Variants in RBFOX1 observed in about 807,000 individuals in gnomAD.
RBFOX1 encodes the protein RNA binding fox-1 homolog 1, also known as RNA binding protein fox-1 homolog 1.
RBFOX1 carries 8 observed loss-of-function variants against 57.7 expected under a neutral mutation model. The ratio of observed to expected loss-of-function variants is 0.14; its 90% CI spans 0.08 to 0.25. RBFOX1 has a LOEUF of 0.25. RBFOX1 is among the 10% of genes least tolerant of loss of function. The probability of loss-of-function intolerance (pLI) is 1.00; values close to 1 mark genes in which losing one functional copy is unlikely to be tolerated. For missense variants in RBFOX1, 611 were observed against 548.5 expected (o/e 1.11, Z -1.14); for synonymous variants, 326 against 222.4 (o/e 1.47, Z -4.15).
intron 2 of RBFOX1, among the ~76,000 whole-genome samples, chr16:6,514,217 C>A (rs1385988455): frequency 6.6e-6 from 1 of 152,126 alleles, no homozygotes; most frequent in Non-Finnish European, 1.5e-5. Context: ...ATGCTCTCTG[C>A]TTAAAAGGAT....
At chr16:6,998,865 G>GTAT (rs953704414) in intron 3 of RBFOX1, among the ~76,000 whole-genome samples, 10 of 151,126 alleles carry the variant, frequency 6.6e-5, no homozygotes, top group Admixed American at 2.0e-4. Context: ...AATTAATTAA[G>GTAT]TATTATTATT....
chr16:7,429,406 C>T (rs898385016), intron 4 of RBFOX1, among the ~76,000 whole-genome samples: 3 of 152,224 alleles, frequency 2.0e-5, no homozygotes, highest in Admixed American at 6.5e-5. Context: ...CCTTCCCTGG[C>T]TAGCCCATCA....
At chr16:7,237,504 C>A (rs560577571) in intron 4 of RBFOX1, among the ~76,000 whole-genome samples, 1 of 152,160 alleles carries the variant, frequency 6.6e-6, no homozygotes, top group African/African-American at 2.4e-5. Flanking sequence ...ATCTCATTAG[C>A]CTGAAGCACA....
chr16:7,401,934 C>T (rs2098250916), intron 4 of RBFOX1, among the ~76,000 whole-genome samples: 1 of 152,112 alleles, frequency 6.6e-6, no homozygotes. Flanking sequence ...GAGGTTAAAT[C>T]TCCAAAAGAG....
At chr16:7,209,553 A>G (rs1472093106) in intron 4 of RBFOX1, among the ~76,000 whole-genome samples, 2 of 152,172 alleles carry the variant, frequency 1.3e-5, no homozygotes, top group Admixed American at 6.5e-5. Flanking sequence ...CAGTGCAAAC[A>G]TTACCTCCTC....
chr16:5,868,168 A>G (rs1329550029), intron 4 of RBFOX1, among the ~76,000 whole-genome samples: 1 of 152,208 alleles, frequency 6.6e-6, no homozygotes, highest in Non-Finnish European at 1.5e-5. Context: ...GGGCTCCTGC[A>G]AAATATGCCC....
chr16:6,008,962 C>A (rs2094943608), intron 4 of RBFOX1, among the ~76,000 whole-genome samples: 1 of 152,156 alleles, frequency 6.6e-6, no homozygotes, highest in African/African-American at 2.4e-5. Context: ...TCATTGACAG[C>A]CTCTCAAGTT....
intron 2 of RBFOX1, among the ~76,000 whole-genome samples, chr16:6,462,142 C>G (rs933658762): frequency 6.6e-6 from 1 of 152,118 alleles, no homozygotes; most frequent in African/African-American, 2.4e-5. Flanking sequence ...AGAAAAGCAA[C>G]TAATATATGG....
intron 11 of RBFOX1, among the ~76,000 whole-genome samples, chr16:7,634,015 G>A (rs892306784): frequency 2.6e-5 from 4 of 152,044 alleles, no homozygotes; most frequent in African/African-American, 7.2e-5. Flanking sequence ...ACACACACAC[G>A]AGTTATATTC....
At chr16:7,654,620 G>A (rs937352822) in intron 12 of RBFOX1, among the ~76,000 whole-genome samples, 3 of 151,714 alleles carry the variant, frequency 2.0e-5, no homozygotes, top group African/African-American at 7.3e-5. Context: ...GTCAAGGAAT[G>A]GTGTGAATGC....
chr16:6,081,585 A>T (rs1039608292), intron 1 of RBFOX1, among the ~76,000 whole-genome samples: 1 of 152,154 alleles, frequency 6.6e-6, no homozygotes, highest in African/African-American at 2.4e-5. Context: ...ACTGAAGGTG[A>T]TTCTTAACCA....
At chr16:7,515,252 C>T (rs978606374) in intron 4 of RBFOX1, among the ~76,000 whole-genome samples, 2 of 93,260 alleles carry the variant, frequency 2.1e-5, no homozygotes, top group Non-Finnish European at 4.5e-5. Flanking sequence ...AGTTATAAAA[C>T]AGCAGAAGTT....
At chr16:5,876,282 T>C (rs534101716) in intron 4 of RBFOX1, among the ~76,000 whole-genome samples, 9 of 134,852 alleles carry the variant, frequency 6.7e-5, no homozygotes, top group Non-Finnish European at 1.3e-4. Context: ...CCTTATCTTA[T>C]TTAATTTCAT....
intron 2 of RBFOX1, among the ~76,000 whole-genome samples, chr16:6,317,980 A>G (rs1163504582): frequency 6.6e-6 from 1 of 152,172 alleles, no homozygotes; most frequent in Non-Finnish European, 1.5e-5. Context: ...ATATCAGCCC[A>G]TGTCATAAAG....
In RBFOX1 at chr16:7,493,426, C is replaced by G. The variant is rs555243974; in HGVS notation, c.28-24721C>G. Among the ~76,000 whole-genome samples, 223 of 152,284 alleles carry G rather than the reference C, an allele frequency of 1.5e-3. 1 individual carries two copies. Among genetic ancestry groups the G allele is most frequent in the African/African-American group, 5.2e-3 (218 of 41,552 alleles). ...CTGTCCACATCATAATCACTGGAAC[C>G]TGCGAGTGTTACTGTATATGGAAAA... On this transcript the variant is annotated intron_variant, in intron 4 of 15. Coordinates refer to ENST00000550418, the MANE Select transcript of RBFOX1 (RefSeq NM_018723.4).
At chr16:7,280,758 C>A (rs2095524869) in intron 4 of RBFOX1, among the ~76,000 whole-genome samples, 1 of 152,000 alleles carries the variant, frequency 6.6e-6, no homozygotes, top group South Asian at 2.1e-4. Context: ...TGGCAAAATC[C>A]CTGGCCTTTC....
intron 4 of RBFOX1, among the ~76,000 whole-genome samples, chr16:5,979,558 C>A (rs897772386): frequency 2.0e-5 from 3 of 152,096 alleles, no homozygotes; most frequent in Admixed American, 2.0e-4. Flanking sequence ...TTAAGTTTCA[C>A]CACGTAGAAA....
intron 3 of RBFOX1, among the ~76,000 whole-genome samples, chr16:6,924,876 C>G (rs968287326): frequency 7.1e-6 from 1 of 141,168 alleles, no homozygotes; most frequent in Non-Finnish European, 1.5e-5. Context: ...TGTGATGTTC[C>G]CCTTCCTGTG....
intron 1 of RBFOX1, among the ~76,000 whole-genome samples, chr16:6,252,685 A>T (rs1288675542): frequency 6.6e-6 from 1 of 152,214 alleles, no homozygotes; most frequent in Non-Finnish European, 1.5e-5. Flanking sequence ...AGCCAGTAGG[A>T]CAACAGTGGC....
Sources: allele counts gnomAD v4.1 joint callset (sites outside exome capture counted in the v4.1 genomes callset), GRCh38; gene constraint gnomAD v4.1.1; transcripts MANE v1.5; gene names NCBI Gene and HGNC (gene_info 2026-07-23, HGNC 2026-07-21).